The following EPHA3 variants were observed in gnomAD, a reference collection of about 807,000 sequenced individuals.
EPHA3 encodes the protein EPH receptor A3.
EPHA3 carries 42 observed loss-of-function variants against 107.1 expected under a neutral mutation model. The ratio of observed to expected loss-of-function variants is 0.39; its 90% CI spans 0.31 to 0.51. The LOEUF is 0.51. EPHA3 is among the 20% of genes least tolerant of loss of function. EPHA3 has a pLI of 0.78. For missense variants in EPHA3, 1,183 were observed against 1,211.2 expected (o/e 0.98, Z 0.35); for synonymous variants, 461 against 424.8 (o/e 1.09, Z -1.05).
At chr3:89,384,108 G>C (rs186480096) in intron 5 of EPHA3, among the ~76,000 whole-genome samples, 9 of 152,150 alleles carry the variant, frequency 5.9e-5, no homozygotes, top group African/African-American at 2.2e-4. Flanking sequence ...TTATTGTTCA[G>C]ACTAAAAAGT....
intron 3 of EPHA3, among the ~76,000 whole-genome samples, chr3:89,282,297 A>G (rs1233048378): frequency 6.6e-6 from 1 of 152,150 alleles, no homozygotes; most frequent in Non-Finnish European, 1.5e-5. Flanking sequence ...ATATCCTACA[A>G]ATATGTACTG....
At chr3:89,242,328 A>G (rs1219129923) in intron 3 of EPHA3, among the ~76,000 whole-genome samples, 2 of 152,234 alleles carry the variant, frequency 1.3e-5, no homozygotes, top group African/African-American at 4.8e-5. Context: ...GAATGTTTCA[A>G]ATAACTTTAG....
At chr3:89,415,308 C>G (rs1164370906) in intron 10 of EPHA3, among the ~76,000 whole-genome samples, 4 of 150,510 alleles carry the variant, frequency 2.7e-5, no homozygotes, top group Non-Finnish European at 4.5e-5. Context: ...TTGGTATATA[C>G]ATTTACCTAC....
At chr3:89,406,428 A>G (rs1177349443) in intron 7 of EPHA3, among the ~76,000 whole-genome samples, 1 of 152,186 alleles carries the variant, frequency 6.6e-6, no homozygotes, top group African/African-American at 2.4e-5. Flanking sequence ...AATAGGCCAG[A>G]TAATAAATAT....
chr3:89,147,380 G>A (rs1253672169), intron 2 of EPHA3, among the ~76,000 whole-genome samples: 1 of 151,680 alleles, frequency 6.6e-6, no homozygotes, highest in African/African-American at 2.4e-5. Flanking sequence ...CTAAATGTAA[G>A]GTTTCTAAGA....
intron 5 of EPHA3, among the ~76,000 whole-genome samples, chr3:89,384,023 T>C (rs1708564195): frequency 6.6e-6 from 1 of 152,062 alleles, no homozygotes; most frequent in Non-Finnish European, 1.5e-5. Context: ...CAAAACCACA[T>C]GTTCATCAGC....
intron 15 of EPHA3, among the ~76,000 whole-genome samples, chr3:89,466,731 G>T (rs1445131371): frequency 7.4e-6 from 1 of 135,546 alleles, no homozygotes; most frequent in Non-Finnish European, 1.6e-5. Flanking sequence ...CCCACTGTCT[G>T]GCACTCCCTA....
chr3:89,231,715 C>G (rs1225842989), intron 3 of EPHA3, among the ~76,000 whole-genome samples: 2 of 152,122 alleles, frequency 1.3e-5, no homozygotes, highest in African/African-American at 2.4e-5. Flanking sequence ...TTTCCCCACC[C>G]ATTATAAAGT....
intron 2 of EPHA3, among the ~76,000 whole-genome samples, chr3:89,203,354 A>AC (rs989400992): frequency 6.8e-6 from 1 of 146,800 alleles, no homozygotes; most frequent in Non-Finnish European, 1.5e-5. Context: ...ACAAAACAAA[A>AC]AAAAAATTAC....
chr3:89,301,929 T>C (rs1357460505), intron 3 of EPHA3, among the ~76,000 whole-genome samples: 9 of 152,094 alleles, frequency 5.9e-5, no homozygotes, highest in Non-Finnish European at 1.3e-4. Flanking sequence ...TTTTGAATAC[T>C]AACCTTTTAA....
At chr3:89,304,361 A>G (rs751504755) in intron 3 of EPHA3, among the ~76,000 whole-genome samples, 14 of 151,876 alleles carry the variant, frequency 9.2e-5, no homozygotes, top group African/African-American at 1.5e-4. Context: ...CTTCCCTCCA[A>G]TGGTTTTCCC....
At chr3:89,436,194 G>A (rs1216997516) in intron 13 of EPHA3, among the ~76,000 whole-genome samples, 1 of 152,004 alleles carries the variant, frequency 6.6e-6, no homozygotes, top group East Asian at 1.9e-4. Flanking sequence ...ACATTTTTGT[G>A]TATATATTGT....
intron 2 of EPHA3, among the ~76,000 whole-genome samples, chr3:89,162,070 T>C (rs2107073541): frequency 6.6e-6 from 1 of 151,992 alleles, no homozygotes; most frequent in South Asian, 2.1e-4. Context: ...AGTGAGGTAA[T>C]TCACTTAAAA....
chr3:89,257,323 C>T (rs1705309160), intron 3 of EPHA3, among the ~76,000 whole-genome samples: 1 of 152,174 alleles, frequency 6.6e-6, no homozygotes, highest in African/African-American at 2.4e-5. Flanking sequence ...TTGTACTTGG[C>T]TAATTCAGTC....
intron 3 of EPHA3, among the ~76,000 whole-genome samples, chr3:89,317,883 T>C (rs1706946107): frequency 6.6e-6 from 1 of 151,820 alleles, no homozygotes; most frequent in Non-Finnish European, 1.5e-5. Flanking sequence ...TCTTTGAGGT[T>C]TCTAAGTGGC....
intron 15 of EPHA3, among the ~76,000 whole-genome samples, chr3:89,469,510 C>T (rs780914807): frequency 9.9e-5 from 15 of 152,094 alleles, no homozygotes; most frequent in Non-Finnish European, 2.1e-4. Context: ...TCCTGGCTCA[C>T]GAATCAACTT....
intron 3 of EPHA3, among the ~76,000 whole-genome samples, chr3:89,257,542 T>C (rs776518101): frequency 7.2e-5 from 11 of 152,020 alleles, no homozygotes; most frequent in Admixed American, 6.6e-5. Flanking sequence ...TATCTTATTA[T>C]TTGAAAGCCA....
At chr3:89,279,301 C>G (rs1705885980) in intron 3 of EPHA3, among the ~76,000 whole-genome samples, 1 of 151,994 alleles carries the variant, frequency 6.6e-6, no homozygotes, top group Non-Finnish European at 1.5e-5. Context: ...GGAATTGACA[C>G]ACTCTGTTTA....
intron 3 of EPHA3, among the ~76,000 whole-genome samples, chr3:89,298,034 C>CA (rs1405886660): frequency 1.3e-5 from 2 of 152,058 alleles, no homozygotes; most frequent in African/African-American, 4.8e-5. Flanking sequence ...GACTTCCTCT[C>CA]AAAAAACAAA....
Sources: allele counts gnomAD v4.1 joint callset (sites outside exome capture counted in the v4.1 genomes callset), GRCh38; gene constraint gnomAD v4.1.1; transcripts MANE v1.5; gene names NCBI Gene and HGNC (gene_info 2026-07-23, HGNC 2026-07-21).